Variants in ANKS6 observed in about 807,000 individuals in gnomAD.
The protein encoded by ANKS6 is ankyrin repeat and sterile alpha motif domain containing 6, also known as ankyrin repeat and SAM domain-containing protein 6.
A neutral mutation model predicts 77.9 loss-of-function variants in ANKS6; 47 were observed. The ratio of observed to expected loss-of-function variants is 0.60; its 90% CI spans 0.48 to 0.77. The LOEUF (loss-of-function observed/expected upper bound fraction) is 0.77, where lower values mean the gene tolerates loss of function less well. Among genes scored for constraint, ANKS6 ranks in the 30% least tolerant of loss-of-function variants. The pLI is 0.00. For missense variants in ANKS6, 1,150 were observed against 1,159.1 expected, an observed-to-expected ratio of 0.99 and a Z score of 0.11; for synonymous variants, 488 against 501.7, an observed-to-expected ratio of 0.97 and a Z score of 0.37.
Position 98,790,638 on chromosome 9 carries a change from A to C in ANKS6, c.360-32T>G, listed in dbSNP as rs764431369. On this transcript the variant is annotated intron_variant, in intron 1 of 14. Transcript: ENST00000353234. Reference sequence around the variant, plus strand: ...GGAAGATGGAGAATTAGTGACACTGAACACACAGCACTCGGGGGCCAGCTT... The same window carrying C: ...GGAAGATGGAGAATTAGTGACACTGCACACACAGCACTCGGGGGCCAGCTT... The C allele has an allele frequency of 7.7e-5, 121 of 1,581,076 alleles. 1 individual carries two copies. The Admixed American group carries it at 2.0e-3, about 27-fold the overall frequency.
chr9:98,746,441 G>C (rs1293960466), intron 13 of ANKS6, among the ~76,000 whole-genome samples: 1 of 152,198 alleles, frequency 6.6e-6, no homozygotes, highest in Non-Finnish European at 1.5e-5. Flanking sequence ...CTCACCATCA[G>C]ACCAGAGGAG....
At chr9:98,777,288 A>G in intron 8 of ANKS6, 117 bp downstream of exon 8, 2 of 1,130,564 alleles carry the variant, frequency 1.8e-6, no homozygotes, top group South Asian at 2.7e-5. Flanking sequence ...CATTCTCATC[A>G]CCAACCCTAT....
Position 98,739,758 on chromosome 9 carries a change from A to ATTTTTT in ANKS6, c.2512-3141_2512-3136dup, listed in dbSNP as rs749499336. 1.8e-4 allele frequency among the ~76,000 whole-genome samples: 16 copies of ATTTTTT among 88,866 alleles called. 4 individuals carry two copies. Among genetic ancestry groups the ATTTTTT allele is most frequent in the Middle Eastern group, 8.2e-3 (1 of 122 alleles). The allele number at this position is 88,866 out of a possible 152,430, so 58.3% of individuals were successfully genotyped here. ...CTCAGAGGGCAGCAGTGGATTAAAC[A>ATTTTTT]TTTTTTTTTTTTTTTTGAGACGGAG... is the stretch of plus-strand genomic sequence containing the variant. On this transcript the variant is annotated intron_variant, in intron 14 of 14. Transcript: ENST00000353234.
intron 3 of ANKS6, chr9:98,784,597 G>C (rs1246141503): frequency 5.8e-6 from 3 of 514,710 alleles, no homozygotes; most frequent in East Asian, 6.1e-5. Context: ...GGAAGAGCTA[G>C]GGCATAGCTA....
intron 14 of ANKS6, 51 bp from the exon 15 acceptor site, chr9:98,736,674 C>A (rs780466511): frequency 1.3e-6 from 2 of 1,540,450 alleles, no homozygotes; most frequent in South Asian, 2.4e-5. Context: ...AACCTTTTAA[C>A]CATTAATTCA....
At chr9:98,754,413 G>A (rs1275399299) in intron 12 of ANKS6, among the ~76,000 whole-genome samples, 4 of 151,902 alleles carry the variant, frequency 2.6e-5, no homozygotes, top group African/African-American at 4.8e-5. Flanking sequence ...AGGCCGAGGC[G>A]GGCGGATCAC....
chr9:98,785,410 C>T (rs575366580), intron 2 of ANKS6, among the ~76,000 whole-genome samples: 2 of 152,228 alleles, frequency 1.3e-5, no homozygotes, highest in South Asian at 4.1e-4. Flanking sequence ...AACATGCTCC[C>T]TCCTCCAAAC....
Position 98,778,325 on chromosome 9 carries a change from C to T in ANKS6, c.1468G>A (p.Glu490Lys), listed in dbSNP as rs201174056. The T allele has an allele frequency of 3.6e-4, 588 of 1,614,036 alleles. 2 individuals carry two copies. The highest frequency in any genetic ancestry group is 1.3e-4 in the Non-Finnish European group (153 of 1,180,044). ...GTGGAGTCCAGAGCTGGCTCAGGCT[C>T]GTCAGAGAAAGGCAAAGGCTGGTTG... ...SSNQPLPFSD[E>K]PEPALDSTMR... The change falls in exon 7 of 15, where the codon GAG becomes AAG. Residue 490 changes from glutamate (E) to lysine (K), a missense_variant. Coordinates refer to ENST00000353234, the MANE Select transcript of ANKS6 (RefSeq NM_173551.5).
At chr9:98,759,893 A>G (rs1832918547) in intron 11 of ANKS6, among the ~76,000 whole-genome samples, 1 of 152,216 alleles carries the variant, frequency 6.6e-6, no homozygotes, top group South Asian at 2.1e-4. Flanking sequence ...GCTAGATAGG[A>G]GGAATAAGTT....
Position 98,790,499 on chromosome 9 carries a change from T to A in ANKS6, c.467A>T (p.His156Leu). 6.2e-7 allele frequency: 1 copy of A among 1,613,336 alleles called. No homozygotes were observed. The highest frequency in any genetic ancestry group is 8.5e-7 in the Non-Finnish European group (1 of 1,179,958). The change falls in exon 2 of 15, where the codon CAC (histidine) becomes CTC (leucine). Residue 156 changes from histidine to leucine, a missense_variant. Transcript: ENST00000353234. ...SVLTVASRGG[H>L]LGVVKLLLEA... ...CAGGAGCAGCTTCACCACACCCAGG[T>A]GGCCGCCCCGAGAAGCCACAGTGAG...
intron 11 of ANKS6, 67 bp downstream of exon 11, chr9:98,768,014 C>A: frequency 1.3e-6 from 2 of 1,525,294 alleles, no homozygotes. Flanking sequence ...CCATGCTTCC[C>A]GGCAAGTGGC....
chr9:98,794,602 C>G (rs1835077789), intron 1 of ANKS6, among the ~76,000 whole-genome samples: 1 of 152,060 alleles, frequency 6.6e-6, no homozygotes, highest in African/African-American at 2.4e-5. Context: ...TTTAAAATAC[C>G]CAGGCTCAAG....
chr9:98,763,004 A>G (rs2117975992), intron 11 of ANKS6, among the ~76,000 whole-genome samples: 1 of 152,276 alleles, frequency 6.6e-6, no homozygotes, highest in East Asian at 1.9e-4. Context: ...CAGAACTGAA[A>G]GGAGAAATAG....
At chr9:98,796,062 G>C in intron 1 of ANKS6, 71 bp downstream of exon 1, 1 of 1,251,876 alleles carries the variant, frequency 8.0e-7, no homozygotes, top group Non-Finnish European at 1.0e-6. Context: ...GCATCCGGCC[G>C]CCGGGGACCG....
In ANKS6 at chr9:98,732,419, G is replaced by A; in HGVS notation, c.*4100C>T. On this transcript the variant is annotated 3_prime_UTR_variant, in exon 15 of 15. Transcript: ENST00000353234. Reference sequence around the variant, plus strand: ...GGAAATCCAGTGACAGCAAGACCCAGAGTCAGGCACATTTGGAGGGCAGGT... The same window carrying A: ...GGAAATCCAGTGACAGCAAGACCCAAAGTCAGGCACATTTGGAGGGCAGGT... 7.0e-7 allele frequency: 1 copy of A among 1,432,114 alleles called. No individual in the cohort carries two copies. The highest frequency in any genetic ancestry group is 2.5e-5 in the East Asian group (1 of 40,226). The allele number at this position is 1,432,114 out of a possible 1,614,324, so 88.7% of individuals were successfully genotyped here. A position where few individuals can be genotyped will look rare whatever the true frequency, so the allele number is the denominator to read the frequency against.
chr9:98,737,126 C>T (rs77461177), intron 14 of ANKS6, among the ~76,000 whole-genome samples: 1 of 152,180 alleles, frequency 6.6e-6, no homozygotes, highest in African/African-American at 2.4e-5. Context: ...CCCCCTGCCC[C>T]CTATACACAC....
At chr9:98,745,751 A>AC in intron 13 of ANKS6, 76 bp from the exon 14 acceptor site, 1 of 1,083,116 alleles carries the variant, frequency 9.2e-7, no homozygotes, top group South Asian at 1.3e-5. Flanking sequence ...CAATCTCATG[A>AC]TTATGAGCTA....
chr9:98,765,380 T>A (rs761511617), intron 11 of ANKS6, among the ~76,000 whole-genome samples: 1 of 152,370 alleles, frequency 6.6e-6, no homozygotes, highest in Admixed American at 6.5e-5. Flanking sequence ...CCCCTCCCTC[T>A]GTATGTAGTT....
At chr9:98,794,495 A>C (rs1835072975) in intron 1 of ANKS6, among the ~76,000 whole-genome samples, 2 of 152,212 alleles carry the variant, frequency 1.3e-5, no homozygotes, top group African/African-American at 4.8e-5. Flanking sequence ...ACCTTTTCTT[A>C]TGAATTACGC....
Sources: allele counts gnomAD v4.1 joint callset (sites outside exome capture counted in the v4.1 genomes callset), GRCh38; gene constraint gnomAD v4.1.1; transcripts MANE v1.5; gene names NCBI Gene and HGNC (gene_info 2026-07-23, HGNC 2026-07-21).